The following TLL1 variants were observed in gnomAD, a reference collection of about 807,000 sequenced individuals.
The protein encoded by TLL1 is tolloid-like protein 1.
In TLL1, 49 loss-of-function variants were observed where a neutral mutation model predicts 128.2. The ratio of observed to expected loss-of-function variants is 0.38; its 90% confidence interval spans 0.30 to 0.48. The LOEUF (loss-of-function observed/expected upper bound fraction) is 0.48. TLL1 is among the 20% of genes least tolerant of loss of function. The pLI is 0.96. For missense variants in TLL1, 1,123 were observed against 1,242.0 expected (o/e 0.90, Z 1.44); for synonymous variants, 454 against 418.8 (o/e 1.08, Z -1.03).
intron 9 of TLL1, chr4:166,030,639 A>G: frequency 2.7e-6 from 2 of 745,366 alleles, no homozygotes; most frequent in Non-Finnish European, 3.7e-6. Context: ...ATAGTTTTAC[A>G]GTCTTATATG....
intron 1 of TLL1, among the ~76,000 whole-genome samples, chr4:165,934,771 A>G (rs1561038433): frequency 6.6e-6 from 1 of 152,174 alleles, no homozygotes; most frequent in Non-Finnish European, 1.5e-5. Context: ...CAGGAAACTG[A>G]TACATTTTAA....
intron 1 of TLL1, among the ~76,000 whole-genome samples, chr4:165,937,860 C>G (rs1033918759): frequency 1.6e-5 from 2 of 126,492 alleles, no homozygotes; most frequent in Non-Finnish European, 1.6e-5. Flanking sequence ...CCCACCCCCC[C>G]CCCAAAAAAA....
intron 1 of TLL1, among the ~76,000 whole-genome samples, chr4:165,981,752 G>A (rs774350853): frequency 6.6e-6 from 1 of 151,986 alleles, no homozygotes; most frequent in Admixed American, 6.6e-5. Context: ...GGGTGGTTTT[G>A]TTGCTACCAG....
At chr4:165,977,136 C>T (rs549892780) in intron 1 of TLL1, among the ~76,000 whole-genome samples, 507 of 152,170 alleles carry the variant, frequency 3.3e-3, no homozygotes, top group African/African-American at 0.012. Flanking sequence ...GAAATATAGG[C>T]GATATGGTTG....
rs200024432 is a variant in TLL1 at position 165,978,181 on chromosome 4, AT to A, written c.170-11193del. Among the ~76,000 whole-genome samples, 1,059 of 151,892 alleles carry A rather than the reference AT, an allele frequency of 7.0e-3. 13 individuals carry two copies. The highest frequency in any genetic ancestry group is 0.043 in the East Asian group (221 of 5,170). The stretch of plus-strand genomic sequence containing the variant: ...CAGATTCTGCCTCAACCCTGAAATC[AT>A]TTTTTTCCAAAAAGCTCTGATTTTT... On this transcript the variant is annotated intron_variant, in intron 1 of 20. Coordinates refer to ENST00000061240, the MANE Select transcript of TLL1 (RefSeq NM_012464.5).
chr4:166,064,859 T>C (rs1212295098), intron 15 of TLL1, among the ~76,000 whole-genome samples: 2 of 152,138 alleles, frequency 1.3e-5, no homozygotes, highest in East Asian at 3.8e-4. Context: ...GTAATTTGAG[T>C]TGACATATTT....
intron 1 of TLL1, among the ~76,000 whole-genome samples, chr4:165,942,461 A>G (rs532270551): frequency 3.2e-4 from 48 of 152,018 alleles, no homozygotes; most frequent in African/African-American, 9.6e-4. Context: ...TGTTTTGTCT[A>G]TCTCCATGAT....
chr4:165,955,858 G>A (rs1236863667), intron 1 of TLL1, among the ~76,000 whole-genome samples: 1 of 152,052 alleles, frequency 6.6e-6, no homozygotes, highest in Non-Finnish European at 1.5e-5. Context: ...TTCAATGTAG[G>A]TTCTTTCTAT....
chr4:165,978,814 T>G (rs371563512), intron 1 of TLL1, among the ~76,000 whole-genome samples: 6 of 152,220 alleles, frequency 3.9e-5, no homozygotes, highest in African/African-American at 1.4e-4. Flanking sequence ...TTGTCAGTGA[T>G]TTTGACATAT....
At chr4:166,029,990 T>C (rs1213810392) in intron 9 of TLL1, among the ~76,000 whole-genome samples, 1 of 152,112 alleles carries the variant, frequency 6.6e-6, no homozygotes, top group East Asian at 1.9e-4. Flanking sequence ...TTTTCAAGTA[T>C]TTTGATTATC....
chr4:165,986,408 G>A (rs900851963), intron 1 of TLL1, among the ~76,000 whole-genome samples: 1 of 151,344 alleles, frequency 6.6e-6, no homozygotes, highest in African/African-American at 2.5e-5. Context: ...CTGTATGACA[G>A]GTTGAAAGTT....
chr4:165,902,997 C>A (rs1732071853), intron 1 of TLL1, among the ~76,000 whole-genome samples: 1 of 152,136 alleles, frequency 6.6e-6, no homozygotes, highest in East Asian at 1.9e-4. Context: ...AAATTAAGTT[C>A]TGCTCATCAA....
chr4:166,055,084 A>T lies in TLL1; in HGVS notation c.1533A>T (p.Arg511Ser). Reference sequence around the variant, plus strand: ...ATTTTTTTCTGTTGCAGATTGAAAGACATGACAATTGTGCTTATGACTACC... The same window carrying T: ...ATTTTTTTCTGTTGCAGATTGAAAGTCATGACAATTGTGCTTATGACTACC... ...GLTFQSFEIE[R>S]HDNCAYDYLE... Residue 511 changes from arginine (R) to serine (S), a missense_variant, in exon 13 of 21, where the codon AGA becomes AGT. Transcript: ENST00000061240. 1 of 1,610,080 alleles carries T rather than the reference A, an allele frequency of 6.2e-7. No homozygotes were observed. Among genetic ancestry groups the T allele is most frequent in the Non-Finnish European group, 8.5e-7 (1 of 1,178,830 alleles).
intron 1 of TLL1, among the ~76,000 whole-genome samples, chr4:165,953,890 T>A (rs2110945091): frequency 6.6e-6 from 1 of 152,192 alleles, no homozygotes; most frequent in African/African-American, 2.4e-5. Flanking sequence ...TGGCAAAATC[T>A]CTTGTAATAA....
intron 1 of TLL1, among the ~76,000 whole-genome samples, chr4:165,958,537 T>C (rs1199146228): frequency 1.3e-5 from 2 of 150,406 alleles, no homozygotes; most frequent in East Asian, 1.9e-4. Context: ...TCATATCCTT[T>C]GCCCACTTTT....
chr4:165,962,783 A>G (rs1735177785), intron 1 of TLL1, among the ~76,000 whole-genome samples: 1 of 152,100 alleles, frequency 6.6e-6, no homozygotes, highest in Admixed American at 6.6e-5. Context: ...GCTGGAGGCA[A>G]TTATCCTAAG....
chr4:165,889,650 C>A (rs1731308124), intron 1 of TLL1, among the ~76,000 whole-genome samples: 2 of 152,116 alleles, frequency 1.3e-5, no homozygotes, highest in African/African-American at 4.8e-5. Flanking sequence ...TAGGATTATG[C>A]TTTTCTTTGT....
intron 5 of TLL1, among the ~76,000 whole-genome samples, chr4:165,997,143 A>G (rs542589532): frequency 1.3e-3 from 203 of 152,124 alleles, no homozygotes; most frequent in Middle Eastern, 3.4e-3. Context: ...ATAAAACATC[A>G]TATTTCATGA....
intron 1 of TLL1, among the ~76,000 whole-genome samples, chr4:165,981,127 T>C (rs2110996331): frequency 6.6e-6 from 1 of 152,178 alleles, no homozygotes; most frequent in Non-Finnish European, 1.5e-5. Flanking sequence ...CAGCAGATGA[T>C]AATTGCCTTC....
Sources: allele counts gnomAD v4.1 joint callset (sites outside exome capture counted in the v4.1 genomes callset), GRCh38; gene constraint gnomAD v4.1.1; transcripts MANE v1.5; gene names NCBI Gene and HGNC (gene_info 2026-07-23, HGNC 2026-07-21).